The following CSMD1 variants were observed in gnomAD, a reference collection of about 807,000 sequenced individuals.
CSMD1 encodes the protein CUB and sushi domain-containing protein 1.
CSMD1 carries 213 observed loss-of-function variants against 417.5 expected under a neutral mutation model. The ratio of observed to expected loss-of-function variants is 0.51; its 90% confidence interval spans 0.46 to 0.57. CSMD1 has a LOEUF of 0.57. Among genes scored for constraint, CSMD1 ranks in the 20% least tolerant of loss-of-function variants. The pLI is 0.00. For synonymous variants in CSMD1, 2,862 were observed against 1,736.8 expected, an observed-to-expected ratio of 1.65 and a Z score of -16.11; for missense variants, 6,923 against 4,529.7, an observed-to-expected ratio of 1.53 and a Z score of -15.17.
chr8:3,798,398 C>G (rs1256583490), intron 5 of CSMD1, among the ~76,000 whole-genome samples: 1 of 151,930 alleles, frequency 6.6e-6, no homozygotes, highest in Admixed American at 6.6e-5. Flanking sequence ...CTCTTATATG[C>G]CCAAGTGTGA....
At chr8:4,395,639 T>C (rs924452720) in intron 3 of CSMD1, among the ~76,000 whole-genome samples, 1 of 151,688 alleles carries the variant, frequency 6.6e-6, no homozygotes, top group African/African-American at 2.4e-5. Context: ...AATACTTCTA[T>C]CTAAATGTTT....
At chr8:4,588,436 C>A (rs2724987) in intron 2 of CSMD1, among the ~76,000 whole-genome samples, 1 of 150,982 alleles carries the variant, frequency 6.6e-6, no homozygotes, top group South Asian at 2.1e-4. Context: ...CTAGATAGTA[C>A]AGCCAGTCTG....
At chr8:3,727,717 G>A (rs1229364796) in intron 6 of CSMD1, among the ~76,000 whole-genome samples, 3 of 152,166 alleles carry the variant, frequency 2.0e-5, no homozygotes, top group Admixed American at 6.5e-5. Context: ...CAGAAAGACT[G>A]TCCATAAACA....
intron 2 of CSMD1, among the ~76,000 whole-genome samples, chr8:4,428,056 A>G (rs1270160645): frequency 6.6e-6 from 1 of 152,196 alleles, no homozygotes; most frequent in Non-Finnish European, 1.5e-5. Context: ...TAAGACATGA[A>G]GGTTACATGT....
chr8:3,334,045 C>T (rs940242799), intron 23 of CSMD1, among the ~76,000 whole-genome samples: 2 of 152,148 alleles, frequency 1.3e-5, no homozygotes, highest in African/African-American at 4.8e-5. Context: ...CCTTTTATAT[C>T]TTACTCATAG....
chr8:4,094,292 A>G (rs1249146421), intron 3 of CSMD1, among the ~76,000 whole-genome samples: 7 of 152,122 alleles, frequency 4.6e-5, no homozygotes, highest in Non-Finnish European at 8.8e-5. Context: ...GGTAGGGAAC[A>G]AGGAGAAGAA....
intron 1 of CSMD1, among the ~76,000 whole-genome samples, chr8:4,764,647 G>C (rs114777704): frequency 0.012 from 1,769 of 151,032 alleles, 35 homozygotes; most frequent in African/African-American, 0.041. Context: ...ATTCTCTTTG[G>C]TGTTCTTAAC....
intron 49 of CSMD1, among the ~76,000 whole-genome samples, chr8:3,055,292 A>G (rs1400142625): frequency 6.6e-6 from 1 of 152,210 alleles, no homozygotes; most frequent in Non-Finnish European, 1.5e-5. Context: ...GTCTTAAGAC[A>G]ACCCATTTTA....
chr8:3,042,602 G>C (rs1811174540), intron 50 of CSMD1, among the ~76,000 whole-genome samples: 1 of 152,052 alleles, frequency 6.6e-6, no homozygotes, highest in African/African-American at 2.4e-5. Flanking sequence ...AGCATAAAAG[G>C]ACCATCTTCA....
At chr8:4,923,141 TA>T (rs1017130229) in intron 1 of CSMD1, among the ~76,000 whole-genome samples, 1 of 152,158 alleles carries the variant, frequency 6.6e-6, no homozygotes, top group African/African-American at 2.4e-5. Flanking sequence ...GAAATATTTT[TA>T]AAATATATAA....
At position 3,932,630 on chromosome 8, in the gene CSMD1, T is replaced by C. The variant is rs988552488; in HGVS notation, c.818+65273A>G. Among the ~76,000 whole-genome samples, 6 of 150,562 alleles carry C rather than the reference T, an allele frequency of 4.0e-5. 2 individuals carry two copies. The highest frequency in any genetic ancestry group is 9.8e-5 in the African/African-American group (4 of 40,798). ...TATCATATTTCACCAAACATTTATATTGACATTTTGCATGTTATTAGGGAA... is the reference window on the plus strand; with the variant it reads ...TATCATATTTCACCAAACATTTATACTGACATTTTGCATGTTATTAGGGAA... On this transcript the variant is annotated intron_variant, in intron 5 of 69. Coordinates refer to ENST00000635120, the MANE Select transcript of CSMD1 (RefSeq NM_033225.6).
chr8:4,114,278 C>A (rs1172136255), intron 3 of CSMD1, among the ~76,000 whole-genome samples: 1 of 152,178 alleles, frequency 6.6e-6, no homozygotes, highest in Admixed American at 6.5e-5. Flanking sequence ...GCTAAATGCA[C>A]TCTGCCTGTG....
intron 26 of CSMD1, among the ~76,000 whole-genome samples, chr8:3,232,660 A>T (rs1475416803): frequency 6.6e-6 from 1 of 152,172 alleles, no homozygotes; most frequent in Non-Finnish European, 1.5e-5. Flanking sequence ...ATTCAATCCC[A>T]GAATTGTCTT....
chr8:3,872,184 G>A (rs1805522381), intron 5 of CSMD1, among the ~76,000 whole-genome samples: 1 of 152,138 alleles, frequency 6.6e-6, no homozygotes, highest in Admixed American at 6.6e-5. Context: ...AAATTACAGT[G>A]TTTAATGGAA....
intron 3 of CSMD1, among the ~76,000 whole-genome samples, chr8:4,111,534 G>C (rs1433526255): frequency 3.3e-5 from 5 of 152,152 alleles, no homozygotes; most frequent in African/African-American, 1.2e-4. Context: ...GCCCATCACT[G>C]ATAGACTGGA....
chr8:3,509,296 G>A (rs73658144), intron 10 of CSMD1, among the ~76,000 whole-genome samples: 12,186 of 152,198 alleles, frequency 0.08, 575 homozygotes, highest in Admixed American at 0.15. Context: ...ATATATTTAA[G>A]CCTTTCCCCC....
At chr8:3,803,302 C>A (rs1179713083) in intron 5 of CSMD1, among the ~76,000 whole-genome samples, 1 of 152,128 alleles carries the variant, frequency 6.6e-6, no homozygotes, top group Non-Finnish European at 1.5e-5. Flanking sequence ...TTAGCAGCAG[C>A]TGGGTAGGGA....
chr8:4,866,391 G>T (rs781233196), intron 1 of CSMD1, among the ~76,000 whole-genome samples: 5 of 151,878 alleles, frequency 3.3e-5, no homozygotes, highest in Admixed American at 6.6e-5. Flanking sequence ...ACCTCCTGTG[G>T]TTAACATCTC....
At chr8:3,652,540 G>A (rs994707120) in intron 7 of CSMD1, among the ~76,000 whole-genome samples, 2 of 152,198 alleles carry the variant, frequency 1.3e-5, no homozygotes, top group Admixed American at 6.5e-5. Flanking sequence ...TGGCTGGGGA[G>A]GCCTCACAAT....
Sources: gnomAD v4.1 joint callset for allele counts (sites outside exome capture counted in the v4.1 genomes callset) on GRCh38, gnomAD v4.1.1 for gene constraint, MANE v1.5 for transcripts, NCBI Gene and HGNC (gene_info 2026-07-23, HGNC 2026-07-21) for gene names.